Variants in LRIG1 observed in about 807,000 individuals in gnomAD.
LRIG1 encodes leucine-rich repeats and immunoglobulin-like domains protein 1.
In LRIG1, 48 loss-of-function variants were observed where a neutral mutation model predicts 99.2. The observed-to-expected ratio is 0.48, with a 90% CI of 0.38 to 0.62. The LOEUF is 0.62. Ranked by LOEUF, LRIG1 falls within the 20% of genes least tolerant of loss-of-function variation. The probability of loss-of-function intolerance (pLI) is 0.00; values close to 1 mark genes in which losing one functional copy is unlikely to be tolerated. For missense variants in LRIG1, 1,646 were observed against 1,434.4 expected (o/e 1.15, Z -2.38); for synonymous variants, 772 against 596.1 (o/e 1.29, Z -4.30).
intron 1 of LRIG1, among the ~76,000 whole-genome samples, chr3:66,475,239 C>G (rs1700694309): frequency 6.6e-6 from 1 of 152,212 alleles, no homozygotes; most frequent in Admixed American, 6.5e-5. Context: ...TGTCCTAAAT[C>G]AAGTGACTCC....
At position 66,384,376 on chromosome 3, in the gene LRIG1, ACTT is replaced by A. The variant is rs956620870; in HGVS notation, c.1790-107_1790-105del. 6.8e-5 allele frequency: 85 copies of A among 1,243,402 alleles called. 1 individual carries two copies. The East Asian group carries it at 8.6e-4, about 13-fold the overall frequency. The allele number at this position is 1,243,402 out of a possible 1,614,324, so 77.0% of individuals were successfully genotyped here. ...CTGTCACTGTGCCCAGTGCCAGTTC[ACTT>A]CTTTTCTCCCAATGTCTGCCCAGGA... On this transcript the variant is annotated intron_variant, in intron 13 of 18. Transcript: ENST00000273261.
chr3:66,461,827 G>A, intron 2 of LRIG1, among the ~76,000 whole-genome samples: 1 of 152,328 alleles, frequency 6.6e-6, no homozygotes, highest in African/African-American at 2.4e-5. Context: ...GACACTGCAA[G>A]GGACAGCAAG....
chr3:66,461,268 G>T (rs745747604), intron 2 of LRIG1, among the ~76,000 whole-genome samples: 5 of 152,134 alleles, frequency 3.3e-5, no homozygotes, highest in Non-Finnish European at 7.3e-5. Context: ...TCACGCCACT[G>T]CACTCTAGCC....
At position 66,413,025 on chromosome 3, in the gene LRIG1, G is replaced by T; in HGVS notation, c.648-11C>A. On this transcript the variant is annotated splice_polypyrimidine_tract_variant and intron_variant, in intron 5 of 18. Coordinates refer to ENST00000273261, the MANE Select transcript of LRIG1 (RefSeq NM_015541.3). The stretch of plus-strand genomic sequence containing the variant: ...TTCCGATTGAGGTCCCTAAAGAGAT[G>T]AAGCCAGCAGGGTCAGAGTGTCTTA... The T allele has an allele frequency of 1.2e-6, 2 of 1,614,168 alleles. No individual in the cohort carries two copies. The highest frequency in any genetic ancestry group is 1.7e-6 in the Non-Finnish European group (2 of 1,180,008).
chr3:66,408,803 G>A (rs936674041), intron 7 of LRIG1, among the ~76,000 whole-genome samples: 1 of 152,126 alleles, frequency 6.6e-6, no homozygotes, highest in Admixed American at 6.6e-5. Flanking sequence ...GTAGGAAGCT[G>A]AAACCAAAGG....
chr3:66,455,396 G>A (rs1013891784), intron 2 of LRIG1, among the ~76,000 whole-genome samples: 3 of 152,348 alleles, frequency 2.0e-5, no homozygotes, highest in African/African-American at 7.2e-5. Context: ...TCCTGCTGCT[G>A]GCTACTAGAG....
At chr3:66,388,406 G>A (rs958947748) in intron 12 of LRIG1, among the ~76,000 whole-genome samples, 1 of 152,144 alleles carries the variant, frequency 6.6e-6, no homozygotes, top group African/African-American at 2.4e-5. Flanking sequence ...TACAAATCAT[G>A]GGAGTCCAAG....
chr3:66,410,035 AGG>A, intron 7 of LRIG1, 92 bp downstream of exon 7: 2 of 1,351,956 alleles, frequency 1.5e-6, no homozygotes, highest in Admixed American at 4.5e-5. Flanking sequence ...GCCCTCCCCG[AGG>A]CCACTGTGTG....
Position 66,379,714 on chromosome 3 carries a change from CAT to C in LRIG1, c.*547_*548del, listed in dbSNP as rs1279455442. 6.6e-6 allele frequency: 1 copy of C among 152,582 alleles called. No homozygotes were observed. Among genetic ancestry groups the C allele is most frequent in the African/African-American group, 2.4e-5 (1 of 41,466 alleles). 9.5% of individuals were successfully genotyped at this position (152,582 alleles called of 1,614,324 possible). A position where few individuals can be genotyped will look rare whatever the true frequency, so the allele number is the denominator to read the frequency against. ...GAAGCCTGTTGCAGGGGCATCCACACATGAGCAGTGCTCACCTGAAGCTCCTT... is the reference window on the plus strand; with the variant it reads ...GAAGCCTGTTGCAGGGGCATCCACACGAGCAGTGCTCACCTGAAGCTCCTT... On this transcript the variant is annotated 3_prime_UTR_variant, in exon 19 of 19. Coordinates refer to ENST00000273261, the MANE Select transcript of LRIG1 (RefSeq NM_015541.3).
rs1575647737 is a variant in LRIG1, at chr3:66,386,474, C to G, written c.1469-173G>C. On this transcript the variant is annotated intron_variant, in intron 12 of 18. Coordinates refer to ENST00000273261, the MANE Select transcript of LRIG1 (RefSeq NM_015541.3). ...GCCGTAAGAGTTGCACCATGGACAT[C>G]TGACCTCATCTAATTAGAAGTCTGT... 18 of 608,888 alleles carry G rather than the reference C, an allele frequency of 3.0e-5. No homozygotes were observed. In the South Asian group the frequency reaches 3.3e-4, roughly 11 times the overall value. 37.7% of individuals were successfully genotyped at this position (608,888 alleles called of 1,614,324 possible). A position where few individuals can be genotyped will look rare whatever the true frequency, so the allele number is the denominator to read the frequency against.
At chr3:66,500,044 CTG>C (rs1701320146) in intron 1 of LRIG1, 144 bp downstream of exon 1, 1 of 612,524 alleles carries the variant, frequency 1.6e-6, no homozygotes, top group Non-Finnish European at 2.7e-6. Context: ...CCACTCCAAC[CTG>C]ACAGTCTTCC....
chr3:66,455,651 G>A (rs1347008923), intron 2 of LRIG1, among the ~76,000 whole-genome samples: 1 of 152,156 alleles, frequency 6.6e-6, no homozygotes, highest in Non-Finnish European at 1.5e-5. Context: ...AGTCAAAGTT[G>A]GGCAGTGCGT....
intron 3 of LRIG1, among the ~76,000 whole-genome samples, chr3:66,441,043 C>T (rs2106776359): frequency 6.6e-6 from 1 of 152,312 alleles, no homozygotes; most frequent in South Asian, 2.1e-4. Flanking sequence ...CTGCTATTTA[C>T]AAACTAACGT....
At chr3:66,410,074 C>T in intron 7 of LRIG1, 55 bp downstream of exon 7, 1 of 1,547,020 alleles carries the variant, frequency 6.5e-7, no homozygotes, top group Non-Finnish European at 8.7e-7. Flanking sequence ...CTAGCACTTT[C>T]ACCTCCAAGC....
chr3:66,404,463 G>T (rs1702188927), intron 9 of LRIG1: 2 of 1,127,268 alleles, frequency 1.8e-6, no homozygotes, highest in South Asian at 4.1e-5. Context: ...AGAAAGTGCT[G>T]GTTACACGCA....
chr3:66,406,469 C>T (rs138406313), intron 8 of LRIG1: 47 of 970,364 alleles, frequency 4.8e-5, no homozygotes, highest in Non-Finnish European at 2.7e-5. Flanking sequence ...CTCTTTCACA[C>T]TCCCTGGCAA....
rs115675906 is a variant in LRIG1, at chr3:66,381,394, G to C, written c.2770+85C>G. ...TTGGAGACAGCTGTGGACTAGGAAT[G>C]TGTCTCCCCCTTTGATGTAGTGACT... On this transcript the variant is annotated intron_variant, in intron 17 of 18. Transcript: ENST00000273261. The C allele has an allele frequency of 4.4e-3, 5,991 of 1,358,432 alleles. 202 individuals carry two copies. In the African/African-American group the frequency reaches 0.074, roughly 17 times the overall value. 84.1% of individuals were successfully genotyped at this position (1,358,432 alleles called of 1,614,324 possible).
intron 3 of LRIG1, among the ~76,000 whole-genome samples, chr3:66,424,089 T>C (rs1394333600): frequency 1.3e-5 from 2 of 152,278 alleles, no homozygotes; most frequent in East Asian, 1.9e-4. Context: ...ACTTCAAGCA[T>C]AAAAGAAGCC....
intron 1 of LRIG1, among the ~76,000 whole-genome samples, chr3:66,469,829 G>A (rs968669473): frequency 2.6e-5 from 4 of 151,268 alleles, no homozygotes; most frequent in East Asian, 3.9e-4. Context: ...CAGCACTTTC[G>A]GAGGCTAAAG....
Sources: allele counts gnomAD v4.1 joint callset (sites outside exome capture counted in the v4.1 genomes callset), GRCh38; gene constraint gnomAD v4.1.1; transcripts MANE v1.5; gene names NCBI Gene and HGNC (gene_info 2026-07-23, HGNC 2026-07-21).